The following ENOX1 variants were observed in gnomAD, a reference collection of about 807,000 sequenced individuals.
ENOX1 encodes the protein ecto-NOX disulfide-thiol exchanger 1, also known as candidate growth-related and time keeping constitutive hydroquinone (NADH) oxidase.
ENOX1 carries 42 observed loss-of-function variants against 82.5 expected under a neutral mutation model. The ratio of observed to expected loss-of-function variants is 0.51; its 90% CI spans 0.40 to 0.66. ENOX1 has a LOEUF of 0.66. Ranked by LOEUF, ENOX1 falls within the 30% of genes least tolerant of loss-of-function variation. ENOX1 has a pLI of 0.00. For missense variants in ENOX1, 608 were observed against 811.6 expected (o/e 0.75, Z 3.05); for synonymous variants, 271 against 282.2 (o/e 0.96, Z 0.40).
At chr13:43,730,927 TCCTATGATA>T in intron 1 of ENOX1, among the ~76,000 whole-genome samples, 1 of 152,126 alleles carries the variant, frequency 6.6e-6, no homozygotes, top group African/African-American at 2.4e-5. Flanking sequence ...TTCTCAGCAC[TCCTATGATA>T]CCCTGCAGCA....
intron 1 of ENOX1, among the ~76,000 whole-genome samples, chr13:43,755,108 A>G (rs2153832932): frequency 6.6e-6 from 1 of 151,916 alleles, no homozygotes; most frequent in African/African-American, 2.4e-5. Flanking sequence ...TACCATTGTT[A>G]TAAACTCCAG....
Position 43,322,459 on chromosome 13 carries a change from G to A in ENOX1, c.1186C>T (p.Arg396Cys), listed in dbSNP as rs1011586241. The part of the protein sequence containing the change: ...AQSEQLMGIR[R>C]EEEMEMSDDE... ...TCAGACATTTCCATTTCTTCTTCGCGGCGGATGCCCATGAGCTGCTCACTT... is the reference window on the plus strand; with the variant it reads ...TCAGACATTTCCATTTCTTCTTCGCAGCGGATGCCCATGAGCTGCTCACTT... The change falls in exon 11 of 17, where the codon CGC becomes TGC. Residue 396 changes from arginine (R) to cysteine (C), a missense_variant. Transcript: ENST00000690772. The A allele has an allele frequency of 4.3e-6, 7 of 1,613,768 alleles. No homozygotes were observed. Among genetic ancestry groups the A allele is most frequent in the African/African-American group, 1.3e-5 (1 of 74,864 alleles).
chr13:43,324,511 T>C (rs984360490), intron 10 of ENOX1, among the ~76,000 whole-genome samples: 3 of 152,172 alleles, frequency 2.0e-5, no homozygotes, highest in Non-Finnish European at 4.4e-5. Flanking sequence ...ATCAAGCTTA[T>C]ACGCAACTGA....
Position 43,707,838 on chromosome 13 carries a change from C to T in ENOX1, c.-284-40294G>A, listed in dbSNP as rs539627516. Among the ~76,000 whole-genome samples, 12 of 147,156 alleles carry T rather than the reference C, an allele frequency of 8.2e-5. No homozygotes were observed. The South Asian group carries it at 1.5e-3, about 18-fold the overall frequency. On this transcript the variant is annotated intron_variant, in intron 1 of 16. Transcript: ENST00000690772. The stretch of plus-strand genomic sequence containing the variant: ...ATCAGAAAATGTGGTTCTGATATAA[C>T]GACAGAAAAAAAGATCAATTAAATG...
chr13:43,288,887 CTG>C (rs2045850838), intron 12 of ENOX1, among the ~76,000 whole-genome samples: 3 of 152,118 alleles, frequency 2.0e-5, no homozygotes, highest in African/African-American at 7.2e-5. Context: ...GATACAATAA[CTG>C]TGTACAAAAA....
chr13:43,421,291 T>G (rs2054958539), intron 3 of ENOX1, among the ~76,000 whole-genome samples: 1 of 152,166 alleles, frequency 6.6e-6, no homozygotes, highest in Non-Finnish European at 1.5e-5. Context: ...GAAAAAATAG[T>G]AAGATGAAAA....
rs564109163 is a variant in ENOX1 at position 43,439,490 on chromosome 13, G to A, written c.-74-26502C>T. On this transcript the variant is annotated intron_variant, in intron 3 of 16. Transcript: ENST00000690772. ...GCTGGGATTACAGGCGTGAGCCACC[G>A]TCCCTGGCCTTCCTATCTTCTAATC... Among the ~76,000 whole-genome samples, 10 of 152,186 alleles carry A rather than the reference G, an allele frequency of 6.6e-5. No homozygotes were observed. The East Asian group carries it at 1.5e-3, about 24-fold the overall frequency.
intron 2 of ENOX1, among the ~76,000 whole-genome samples, chr13:43,487,554 T>A (rs78273897): frequency 0.011 from 1,684 of 152,264 alleles, 74 homozygotes; most frequent in Admixed American, 0.082. Flanking sequence ...AGGTACACGA[T>A]CCCATGGGGT....
At chr13:43,450,243 C>G (rs1381324138) in intron 3 of ENOX1, among the ~76,000 whole-genome samples, 2 of 152,312 alleles carry the variant, frequency 1.3e-5, no homozygotes, top group Admixed American at 1.3e-4. Flanking sequence ...TCTGGCTCTG[C>G]TGGACACCCT....
Position 43,373,259 on chromosome 13 carries a change from C to T in ENOX1, c.209-11807G>A, listed in dbSNP as rs556580534. ...ACTTCTTTGGGTGGAAACCAGAAGG[C>T]CTTCTAGGAAAACAACTGAGGAGAC... On this transcript the variant is annotated intron_variant, in intron 5 of 16. Coordinates refer to ENST00000690772, the MANE Select transcript of ENOX1 (RefSeq NM_001347969.2). Among the ~76,000 whole-genome samples, 48 of 152,030 alleles carry T rather than the reference C, an allele frequency of 3.2e-4. 1 individual carries two copies. In the South Asian group the frequency reaches 9.2e-3, roughly 29 times the overall value.
chr13:43,288,328 C>T (rs1050817099), intron 12 of ENOX1, among the ~76,000 whole-genome samples: 1 of 152,076 alleles, frequency 6.6e-6, no homozygotes, highest in African/African-American at 2.4e-5. Flanking sequence ...GAAATGTCTT[C>T]TGCATTTCCC....
chr13:43,532,132 C>T (rs1262635962), intron 2 of ENOX1, among the ~76,000 whole-genome samples: 12 of 151,758 alleles, frequency 7.9e-5, no homozygotes, highest in Admixed American at 7.9e-4. Flanking sequence ...ATGTTAAAGA[C>T]TGAATAAATA....
At chr13:43,286,769 A>T (rs1221712347) in intron 12 of ENOX1, among the ~76,000 whole-genome samples, 1 of 152,134 alleles carries the variant, frequency 6.6e-6, no homozygotes, top group East Asian at 1.9e-4. Context: ...TATTTTCATG[A>T]TTCAAATTTA....
At chr13:43,224,842 G>A (rs895800953) in intron 15 of ENOX1, among the ~76,000 whole-genome samples, 7 of 152,216 alleles carry the variant, frequency 4.6e-5, no homozygotes, top group African/African-American at 1.7e-4. Context: ...ACTGACAAAT[G>A]AAAAGCTGGA....
At chr13:43,445,194 G>T (rs2056567209) in intron 3 of ENOX1, among the ~76,000 whole-genome samples, 1 of 150,986 alleles carries the variant, frequency 6.6e-6, no homozygotes, top group Non-Finnish European at 1.5e-5. Context: ...CACGATCTCG[G>T]CTCACTGCAA....
intron 3 of ENOX1, among the ~76,000 whole-genome samples, chr13:43,445,299 A>AT (rs1179784133): frequency 2.0e-5 from 3 of 151,626 alleles, no homozygotes; most frequent in East Asian, 3.9e-4. Flanking sequence ...AATTTTTTGT[A>AT]TTTTTAGTAG....
intron 5 of ENOX1, among the ~76,000 whole-genome samples, chr13:43,402,575 T>G (rs541422740): frequency 6.6e-6 from 1 of 152,330 alleles, no homozygotes; most frequent in South Asian, 2.1e-4. Flanking sequence ...ATAAATGACA[T>G]GTGCTTACAA....
intron 2 of ENOX1, among the ~76,000 whole-genome samples, chr13:43,499,438 C>T (rs2076903611): frequency 1.3e-5 from 2 of 151,764 alleles, no homozygotes; most frequent in African/African-American, 4.8e-5. Flanking sequence ...CACAGGTTGC[C>T]AATAGAAAAA....
At position 43,412,886 on chromosome 13, in the gene ENOX1, A is replaced by G. The variant is rs2153599476; in HGVS notation, c.29T>C (p.Ile10Thr). The G allele has an allele frequency of 6.2e-7, 1 of 1,614,056 alleles. No individual in the cohort carries two copies. Among genetic ancestry groups the G allele is most frequent in the Non-Finnish European group, 8.5e-7 (1 of 1,180,008 alleles). Residue 10 changes from isoleucine to threonine, a missense_variant, in exon 4 of 17, where the codon ATC (isoleucine) becomes ACC (threonine). Physicochemically the swap from Ile to Thr is moderately conservative, Grantham distance 89. Coordinates refer to ENST00000690772, the MANE Select transcript of ENOX1 (RefSeq NM_001347969.2). MVDAGGVEN[I>T]TQLPQELPQM... ...AGGAAGCTCCTGGGGAAGCTGGGTG[A>G]TGTTCTCAACTCCACCTGCATCTAC... is the stretch of plus-strand genomic sequence containing the variant.
Sources: gnomAD v4.1 joint callset for allele counts (sites outside exome capture counted in the v4.1 genomes callset) on GRCh38, gnomAD v4.1.1 for gene constraint, MANE v1.5 for transcripts, NCBI Gene and HGNC (gene_info 2026-07-23, HGNC 2026-07-21) for gene names.